The following SKIL variants were observed in gnomAD, a reference collection of about 807,000 sequenced individuals.
The protein encoded by SKIL is ski-like protein.
A neutral mutation model predicts 69.6 loss-of-function variants in SKIL; 20 were observed. The ratio of observed to expected loss-of-function variants is 0.29; its 90% CI spans 0.20 to 0.42. The LOEUF (loss-of-function observed/expected upper bound fraction) is 0.42, where lower values mean the gene tolerates loss of function less well. Ranked by LOEUF, SKIL falls within the 10% of genes least tolerant of loss-of-function variation. The probability of loss-of-function intolerance (pLI) is 1.00; values close to 1 mark genes in which losing one functional copy is unlikely to be tolerated. For missense variants in SKIL, 745 were observed against 783.1 expected (o/e 0.95, Z 0.58); for synonymous variants, 310 against 279.9 (o/e 1.11, Z -1.08).
intron 4 of SKIL, 186 bp downstream of exon 4, chr3:170,384,951 G>A: frequency 1.1e-5 from 5 of 474,560 alleles, no homozygotes; most frequent in Non-Finnish European, 1.9e-5. Context: ...TTCTAGCGTG[G>A]TGATAGCTCA....
intron 2 of SKIL, among the ~76,000 whole-genome samples, chr3:170,374,146 A>C (rs908990890): frequency 6.6e-6 from 1 of 152,222 alleles, no homozygotes; most frequent in Non-Finnish European, 1.5e-5. Context: ...AGGTGCAGAA[A>C]TTTAGAGAAA....
intron 2 of SKIL, among the ~76,000 whole-genome samples, chr3:170,371,488 C>T (rs1216957664): frequency 6.6e-6 from 1 of 152,130 alleles, no homozygotes; most frequent in Non-Finnish European, 1.5e-5. Flanking sequence ...GCCTGGGCAA[C>T]AGAGTGAGAC....
At chr3:170,366,249 T>G (rs970202615) in intron 2 of SKIL, among the ~76,000 whole-genome samples, 5 of 152,066 alleles carry the variant, frequency 3.3e-5, no homozygotes, top group African/African-American at 1.2e-4. Flanking sequence ...ATTTTACAAT[T>G]ATAAAATATG....
chr3:170,376,846 G>A (rs1020155909), intron 2 of SKIL, among the ~76,000 whole-genome samples: 4 of 152,132 alleles, frequency 2.6e-5, no homozygotes, highest in Admixed American at 1.3e-4. Flanking sequence ...AAAGTGCTAG[G>A]TAATATCACA....
intron 2 of SKIL, among the ~76,000 whole-genome samples, chr3:170,363,401 C>T (rs1736338575): frequency 6.6e-6 from 1 of 152,178 alleles, no homozygotes; most frequent in South Asian, 2.1e-4. Flanking sequence ...TAGTTTGCTG[C>T]TTGCTGCTTC....
In SKIL at chr3:170,365,796, C is replaced by T. The variant is rs113875435; in HGVS notation, c.1098+4367C>T. Among the ~76,000 whole-genome samples the T allele has an allele frequency of 2.7e-3, 368 of 136,990 alleles. 6 individuals are homozygous for T. The highest frequency in any genetic ancestry group is 0.01 in the African/African-American group (345 of 33,990). 89.9% of individuals were successfully genotyped at this position (136,990 alleles called of 152,430 possible). The stretch of plus-strand genomic sequence containing the variant: ...TTTGAGATGGAGTTTCGCTCTTGCG[C>T]CCAGGCTGGAGTGCAATGGCGCGAT... On this transcript the variant is annotated intron_variant, in intron 2 of 6. Transcript: ENST00000259119.
At chr3:170,381,441 AT>A in intron 3 of SKIL, 100 bp downstream of exon 3, 176 of 471,552 alleles carry the variant, frequency 3.7e-4, no homozygotes, top group Non-Finnish European at 4.6e-4. Context: ...TTATTTATTT[AT>A]TTTTTTTGGT....
intron 2 of SKIL, among the ~76,000 whole-genome samples, chr3:170,364,627 A>C (rs1736415114): frequency 6.6e-6 from 1 of 152,018 alleles, no homozygotes. Flanking sequence ...GGCCCGCCCC[A>C]GTCTAATTAT....
Position 170,360,873 on chromosome 3 carries a change from A to G in SKIL, c.542A>G (p.Gln181Arg). The change falls in exon 2 of 7, where the codon CAG becomes CGG. Residue 181 changes from glutamine (Q) to arginine (R), a missense_variant. Transcript: ENST00000259119. ...LNSVLREFTL[Q>R]QINTVCDELY... ...TCTGTTCTCCGAGAATTTACACTCC[A>G]GCAAATAAATACAGTGTGTGATGAA... 6.2e-7 allele frequency: 1 copy of G among 1,614,200 alleles called. No homozygotes were observed. The highest frequency in any genetic ancestry group is 8.5e-7 in the Non-Finnish European group (1 of 1,180,022).
At chr3:170,386,469 C>A (rs567191617) in intron 4 of SKIL, among the ~76,000 whole-genome samples, 4 of 151,980 alleles carry the variant, frequency 2.6e-5, no homozygotes, top group African/African-American at 9.6e-5. Flanking sequence ...TTTTTTGTTT[C>A]GTTTTTCTTT....
At chr3:170,392,189 T>G in intron 6 of SKIL, 70 bp from the exon 7 acceptor site, 1 of 1,239,890 alleles carries the variant, frequency 8.1e-7, no homozygotes, top group South Asian at 1.6e-5. Context: ...AAATAGATAT[T>G]TTCTATGATA....
chr3:170,361,885 A>G (rs895405171), intron 2 of SKIL, among the ~76,000 whole-genome samples: 1 of 152,016 alleles, frequency 6.6e-6, no homozygotes, highest in Admixed American at 6.6e-5. Context: ...GTGTCCAGCC[A>G]GGGCTTCTTT....
At chr3:170,381,407 C>G (rs993539736) in intron 3 of SKIL, 66 bp downstream of exon 3, 2 of 815,076 alleles carry the variant, frequency 2.5e-6, no homozygotes, top group Non-Finnish European at 4.4e-6. Context: ...ATGCCATGCA[C>G]TATTCTAGGA....
chr3:170,358,745 C>T (rs1245120023), intron 1 of SKIL: 5 of 151,928 alleles, frequency 3.3e-5, no homozygotes, highest in South Asian at 2.1e-4. Flanking sequence ...TTTCTTTTTC[C>T]CTCTTCCTCC....
intron 2 of SKIL, among the ~76,000 whole-genome samples, chr3:170,376,719 G>A (rs1056026549): frequency 1.3e-5 from 2 of 152,028 alleles, no homozygotes; most frequent in African/African-American, 4.8e-5. Flanking sequence ...GGGACTACAG[G>A]CACACATCAC....
At chr3:170,379,016 A>T (rs1035181430) in intron 2 of SKIL, among the ~76,000 whole-genome samples, 2 of 151,890 alleles carry the variant, frequency 1.3e-5, no homozygotes, top group African/African-American at 2.4e-5. Flanking sequence ...AGCTGGGATT[A>T]CAAGTGCGTA....
rs113703691 is a variant in SKIL, at chr3:170,384,782, T to A, written c.1429+17T>A. On this transcript the variant is annotated intron_variant, in intron 4 of 6. Transcript: ENST00000259119. ...GCCGTTTAGGTAAGTATTCAGAGAT[T>A]ATCTTTCTAAAATTAAATATCTAAT... The A allele has an allele frequency of 7.7e-7, 1 of 1,297,504 alleles. No homozygotes were observed. Among genetic ancestry groups the A allele is most frequent in the East Asian group, 2.3e-5 (1 of 42,862 alleles). The allele number at this position is 1,297,504 out of a possible 1,614,324, so 80.4% of individuals were successfully genotyped here.
In SKIL at chr3:170,394,947, TG is replaced by T. The variant is rs1738117289; in HGVS notation, c.*2531del. 6.6e-6 allele frequency: 1 copy of T among 152,180 alleles called. No homozygotes were observed. The highest frequency in any genetic ancestry group is 1.5e-5 in the Non-Finnish European group (1 of 67,994). The allele number at this position is 152,180 out of a possible 1,614,324, so 9.4% of individuals were successfully genotyped here. On this transcript the variant is annotated 3_prime_UTR_variant, in exon 7 of 7. Coordinates refer to ENST00000259119, the MANE Select transcript of SKIL (RefSeq NM_005414.5). ...GTTGCTAGCTTAAAGTTTGATTTGT[TG>T]TTACTCTTTGTGTGCCAAATTCACT...
intron 2 of SKIL, among the ~76,000 whole-genome samples, chr3:170,375,732 G>A (rs1736999958): frequency 6.9e-6 from 1 of 145,184 alleles, no homozygotes; most frequent in South Asian, 2.3e-4. Flanking sequence ...GCGTCACCAC[G>A]GCTGGCCAAT....
Sources: gnomAD v4.1 joint callset for allele counts (sites outside exome capture counted in the v4.1 genomes callset) on GRCh38, gnomAD v4.1.1 for gene constraint, MANE v1.5 for transcripts, NCBI Gene and HGNC (gene_info 2026-07-23, HGNC 2026-07-21) for gene names.